Variants in OR2AG2 observed in about 807,000 individuals in gnomAD.
The protein encoded by OR2AG2 is olfactory receptor 2AG2.
For missense variants in OR2AG2, 390 were observed against 391.9 expected, an observed-to-expected ratio of 1.00 and a Z score of 0.04; for synonymous variants, 167 against 157.1, an observed-to-expected ratio of 1.06 and a Z score of -0.47.
chr11:6,766,722 A>C lies in OR2AG2; in HGVS notation c.*1285T>G, dbSNP rs1047945009. ...ACTGATGAGTAGAATAAAAAAAATA[A>C]GGCTTATTTAGGCTAGCTAGAAAGC... On this transcript the variant is annotated 3_prime_UTR_variant, in exon 2 of 2. Coordinates refer to ENST00000641124, the MANE Select transcript of OR2AG2 (RefSeq NM_001004490.2). 1 of 152,200 alleles carries C rather than the reference A, an allele frequency of 6.6e-6. No homozygotes were observed. The highest frequency in any genetic ancestry group is 2.4e-5 in the African/African-American group (1 of 41,464). 9.4% of individuals were successfully genotyped at this position (152,200 alleles called of 1,614,324 possible).
rs1218801935 is a variant in OR2AG2, at chr11:6,767,291, G to T, written c.*716C>A. The T allele has an allele frequency of 6.6e-6, 1 of 152,134 alleles. No individual in the cohort carries two copies. The highest frequency in any genetic ancestry group is 1.5e-5 in the Non-Finnish European group (1 of 68,078). The allele number at this position is 152,134 out of a possible 1,614,324, so 9.4% of individuals were successfully genotyped here. A position where few individuals can be genotyped will look rare whatever the true frequency, so the allele number is the denominator to read the frequency against. On this transcript the variant is annotated 3_prime_UTR_variant, in exon 2 of 2. Coordinates refer to ENST00000641124, the MANE Select transcript of OR2AG2 (RefSeq NM_001004490.2). The stretch of plus-strand genomic sequence containing the variant: ...CGGGTTCCACACGTTGGCCAGGCTG[G>T]TCTTGAACTCCTTACCTCAGGTGAT...
rs189615647 is a variant in OR2AG2, at chr11:6,768,685, A to G, written c.273T>C (p.Thr91=). ...ALADFLRREN[T]ISFGGCALQM... is the part of the protein sequence containing the mutation. ...GAAGTGCACAGCCTCCAAAGGAGAT[A>G]GTGTTTTCTCTGCGCAGAAAGTCCG... is the stretch of plus-strand genomic sequence containing the variant. Residue 91 remains threonine, a synonymous_variant, in exon 2 of 2, where the codon ACT becomes ACC. Coordinates refer to ENST00000641124, the MANE Select transcript of OR2AG2 (RefSeq NM_001004490.2). 1.1e-4 allele frequency: 183 copies of G among 1,614,130 alleles called. No individual in the cohort carries two copies. The highest frequency in any genetic ancestry group is 1.4e-4 in the Non-Finnish European group (169 of 1,180,000).
rs1847392985 is a variant in OR2AG2 at position 6,767,918 on chromosome 11, T to A, written c.*89A>T. The A allele has an allele frequency of 9.3e-7, 1 of 1,076,886 alleles. No homozygotes were observed. Among genetic ancestry groups the A allele is most frequent in the African/African-American group, 1.6e-5 (1 of 61,366 alleles). The allele number at this position is 1,076,886 out of a possible 1,614,324, so 66.7% of individuals were successfully genotyped here. A position where few individuals can be genotyped will look rare whatever the true frequency, so the allele number is the denominator to read the frequency against. On this transcript the variant is annotated 3_prime_UTR_variant, in exon 2 of 2. Coordinates refer to ENST00000641124, the MANE Select transcript of OR2AG2 (RefSeq NM_001004490.2). ...TCAGAGTACAGTATTGAAGAATGAG[T>A]GAGTAGAGAATTTTATTTGGAGCAG...
Position 6,766,208 on chromosome 11 carries a change from T to A in OR2AG2, c.*1799A>T, listed in dbSNP as rs1322206253. On this transcript the variant is annotated 3_prime_UTR_variant, in exon 2 of 2. Transcript: ENST00000641124. ...ATCAGCAGACTAAGGTACAAAGAGT[T>A]TAATTTAGCGTTCAAAGATGCATAG... 3 of 152,110 alleles carry A rather than the reference T, an allele frequency of 2.0e-5. No individual in the cohort carries two copies. Among genetic ancestry groups the A allele is most frequent in the East Asian group, 3.9e-4 (2 of 5,190 alleles). 9.4% of individuals were successfully genotyped at this position (152,110 alleles called of 1,614,324 possible).
Position 6,768,897 on chromosome 11 carries a change from T to C in OR2AG2, c.61A>G (p.Ser21Gly), listed in dbSNP as rs771920701. The change falls in exon 2 of 2, where the codon AGT (serine) becomes GGT (glycine). Residue 21 changes from serine (S) to glycine (G), a missense_variant. Physicochemically the swap from Ser to Gly is moderately conservative, Grantham distance 56. Coordinates refer to ENST00000641124, the MANE Select transcript of OR2AG2 (RefSeq NM_001004490.2). ...GFILVGILND[S>G]GSPELLYATF... ...GCATAGAGCAGTTCAGGAGACCCAC[T>C]GTCATTCAGAATCCCCACCAAGATG... is the stretch of plus-strand genomic sequence containing the variant. The C allele has an allele frequency of 5.0e-6, 8 of 1,613,658 alleles. No individual in the cohort carries two copies. The highest frequency in any genetic ancestry group is 6.8e-6 in the Non-Finnish European group (8 of 1,179,618).
At chr11:6,770,441 A>G (rs1847436584) in intron 1 of OR2AG2, among the ~76,000 whole-genome samples, 1 of 152,032 alleles carries the variant, frequency 6.6e-6, no homozygotes. Flanking sequence ...GAAAGTCAGA[A>G]CCTTAAAATA....
In OR2AG2 at chr11:6,767,501, C is replaced by G. The variant is rs927063194; in HGVS notation, c.*506G>C. 1 of 154,312 alleles carries G rather than the reference C, an allele frequency of 6.5e-6. No homozygotes were observed. Among genetic ancestry groups the G allele is most frequent in the Admixed American group, 6.4e-5 (1 of 15,536 alleles). 9.6% of individuals were successfully genotyped at this position (154,312 alleles called of 1,614,324 possible). On this transcript the variant is annotated 3_prime_UTR_variant, in exon 2 of 2. Transcript: ENST00000641124. Reference sequence around the variant, plus strand: ...CACTAACTGCTCAAATAATCATCTACTTAATAAACAGGAAGTCTAATATAT... The same window carrying G: ...CACTAACTGCTCAAATAATCATCTAGTTAATAAACAGGAAGTCTAATATAT...
rs75847798 is a variant in OR2AG2, at chr11:6,767,901, C to T, written c.*106G>A. On this transcript the variant is annotated 3_prime_UTR_variant, in exon 2 of 2. Transcript: ENST00000641124. The stretch of plus-strand genomic sequence containing the variant: ...AAAATGTATCTATCATCTCAGAGTA[C>T]AGTATTGAAGAATGAGTGAGTAGAG... 4.4e-3 allele frequency: 3,825 copies of T among 875,614 alleles called. 111 individuals are homozygous for T. The African/African-American group carries it at 0.059, about 13-fold the overall frequency. The allele number at this position is 875,614 out of a possible 1,614,324, so 54.2% of individuals were successfully genotyped here. A position where few individuals can be genotyped will look rare whatever the true frequency, so the allele number is the denominator to read the frequency against.
rs1847410738 is a variant in OR2AG2, at chr11:6,768,703, A to C, written c.255T>G (p.Phe85Leu). 6.2e-7 allele frequency: 1 copy of C among 1,614,078 alleles called. No homozygotes were observed. The highest frequency in any genetic ancestry group is 8.5e-7 in the Non-Finnish European group (1 of 1,180,036). ...SVVTPKALAD[F>L]LRRENTISFG... ...AGGAGATAGTGTTTTCTCTGCGCAG[A>C]AAGTCCGCAAGGGCCTTGGGAGTGA... Residue 85 changes from phenylalanine to leucine, a missense_variant, in exon 2 of 2, where the codon TTT becomes TTG. Transcript: ENST00000641124.
At position 6,768,255 on chromosome 11, in the gene OR2AG2, T is replaced by C. The variant is rs1365834070; in HGVS notation, c.703A>G (p.Lys235Glu). 1.2e-6 allele frequency: 2 copies of C among 1,614,094 alleles called. No individual in the cohort carries two copies. Among genetic ancestry groups the C allele is most frequent in the Non-Finnish European group, 8.5e-7 (1 of 1,179,996 alleles). Reference protein sequence around the residue: ...VLRMPSNEGRKKALVTCSSHL... With the variant: ...VLRMPSNEGREKALVTCSSHL... The stretch of plus-strand genomic sequence containing the variant: ...GAAGAGCAGGTGACAAGGGCTTTCT[T>C]CCTCCCCTCATTTGATGGCATACGA... Residue 235 changes from lysine (K) to glutamate (E), a missense_variant, in exon 2 of 2, where the codon AAG (lysine) becomes GAG (glutamate). By Grantham distance (56) the Lys-to-Glu change is moderately conservative. Transcript: ENST00000641124.
At position 6,767,410 on chromosome 11, in the gene OR2AG2, A is replaced by G. The variant is rs2119650523; in HGVS notation, c.*597T>C. ...CAATGTAATTATTTATCATTACTCA[A>G]GTAACCAATGTGAAGGTCCCTTAGG... is the stretch of plus-strand genomic sequence containing the variant. On this transcript the variant is annotated 3_prime_UTR_variant, in exon 2 of 2. Transcript: ENST00000641124. 1 of 152,416 alleles carries G rather than the reference A, an allele frequency of 6.6e-6. No homozygotes were observed. Among genetic ancestry groups the G allele is most frequent in the African/African-American group, 2.4e-5 (1 of 41,566 alleles). 9.4% of individuals were successfully genotyped at this position (152,416 alleles called of 1,614,324 possible).
intron 1 of OR2AG2, among the ~76,000 whole-genome samples, chr11:6,770,797 CT>C (rs1304819882): frequency 6.6e-6 from 1 of 152,180 alleles, no homozygotes; most frequent in African/African-American, 2.4e-5. Flanking sequence ...TTCTAGCTTC[CT>C]GCACCAGATG....
Position 6,768,086 on chromosome 11 carries a change from C to G in OR2AG2, c.872G>C (p.Ser291Thr). 1 of 1,614,082 alleles carries G rather than the reference C, an allele frequency of 6.2e-7. No homozygotes were observed. The highest frequency in any genetic ancestry group is 1.1e-5 in the South Asian group (1 of 91,074). ...VTPALNPLIY[S>T]LRNKEVMRAL... ...CCGCATGACCTCCTTATTCCTCAGG[C>G]TGTAGATGAGTGGATTCAGGGCTGG... is the stretch of plus-strand genomic sequence containing the variant. Residue 291 changes from serine (S) to threonine (T), a missense_variant, in exon 2 of 2, where the codon AGC becomes ACC. By Grantham distance (58) the Ser-to-Thr change is moderately conservative. Coordinates refer to ENST00000641124, the MANE Select transcript of OR2AG2 (RefSeq NM_001004490.2).
rs759148524 is a variant in OR2AG2, at chr11:6,768,826, C to T, written c.132G>A (p.Leu44=). 8.1e-6 allele frequency: 13 copies of T among 1,614,022 alleles called. No homozygotes were observed. Among genetic ancestry groups the T allele is most frequent in the Admixed American group, 1.7e-5 (1 of 60,006 alleles). ...CTTCTATGGTGATGGCCAGGAGCAG[C>T]AGACCATTGCTGGTCAGTGCCAACA... ...LYMLALTSNG[L]LLLAITIEAR... Residue 44 remains leucine (L), a synonymous_variant, in exon 2 of 2, where the codon CTG becomes CTA. Transcript: ENST00000641124.
At position 6,771,910 on chromosome 11, in the gene OR2AG2, T is replaced by A. The variant is rs57137365; in HGVS notation, c.-826A>T. The A allele has an allele frequency of 0.28, 42,513 of 151,966 alleles. 6,407 individuals carry two copies. Among genetic ancestry groups the A allele is most frequent in the Middle Eastern group, 0.37 (108 of 294 alleles). The allele number at this position is 151,966 out of a possible 1,614,324, so 9.4% of individuals were successfully genotyped here. The stretch of plus-strand genomic sequence containing the variant: ...CGAGAAAGTCCTTACTGCTTTGGAA[T>A]GGTTCTAGCTGAGTTCTTAAGTCCA... On this transcript the variant is annotated 5_prime_UTR_variant, in exon 1 of 2. Transcript: ENST00000641124.
chr11:6,766,231 T>C lies in OR2AG2; in HGVS notation c.*1776A>G, dbSNP rs558660100. ...GTTTAATTTAGCGTTCAAAGATGCA[T>C]AGATGACCAAAGGAAGAGAGGGATT... On this transcript the variant is annotated 3_prime_UTR_variant, in exon 2 of 2. Transcript: ENST00000641124. 9.9e-5 allele frequency: 15 copies of C among 152,212 alleles called. No homozygotes were observed. Among genetic ancestry groups the C allele is most frequent in the African/African-American group, 3.4e-4 (14 of 41,530 alleles). 9.4% of individuals were successfully genotyped at this position (152,212 alleles called of 1,614,324 possible). A position where few individuals can be genotyped will look rare whatever the true frequency, so the allele number is the denominator to read the frequency against.
chr11:6,769,076 AATATG>A lies in OR2AG2; in HGVS notation c.-124_-120del. On this transcript the variant is annotated 5_prime_UTR_variant, in exon 2 of 2. It removes the in-frame stop codon of an upstream open reading frame in the 5' UTR. Coordinates refer to ENST00000641124, the MANE Select transcript of OR2AG2 (RefSeq NM_001004490.2). ...GTGCATTGGCCAATAGGAATCCCATAATATGATATATTTTCCATTTCTTAGTATGC... is the reference window on the plus strand; with the variant it reads ...GTGCATTGGCCAATAGGAATCCCATAATATATTTTCCATTTCTTAGTATGC... 1 of 634,690 alleles carries A rather than the reference AATATG, an allele frequency of 1.6e-6. No homozygotes were observed. Among genetic ancestry groups the A allele is most frequent in the East Asian group, 2.8e-5 (1 of 36,266 alleles). 39.3% of individuals were successfully genotyped at this position (634,690 alleles called of 1,614,324 possible). A position where few individuals can be genotyped will look rare whatever the true frequency, so the allele number is the denominator to read the frequency against.
rs890817840 is a variant in OR2AG2, at chr11:6,768,303, T to A, written c.655A>T (p.Thr219Ser). 1.9e-6 allele frequency: 3 copies of A among 1,613,908 alleles called. No homozygotes were observed. The African/African-American group carries it at 4.0e-5, about 22-fold the overall frequency. Residue 219 changes from threonine (T) to serine (S), a missense_variant, in exon 2 of 2, where the codon ACA becomes TCA. Thr to Ser is a moderately conservative substitution (Grantham distance 58). Transcript: ENST00000641124. ...LPISAIVASY[T>S]LVLFTVLRMP... ...CGAAGCACAGTGAATAGGACTAGTGTGTAGGAGGCCACAATGGCAGAAATG... is the reference window on the plus strand; with the variant it reads ...CGAAGCACAGTGAATAGGACTAGTGAGTAGGAGGCCACAATGGCAGAAATG...
chr11:6,767,815 A>G lies in OR2AG2; in HGVS notation c.*192T>C. ...AAGTCAGGATGATGTGTGCCAAATG[A>G]GTTTAACTCAAGATCATTGTACACA... On this transcript the variant is annotated 3_prime_UTR_variant, in exon 2 of 2. Transcript: ENST00000641124. 1 of 559,372 alleles carries G rather than the reference A, an allele frequency of 1.8e-6. No individual in the cohort carries two copies. The highest frequency in any genetic ancestry group is 3.4e-5 in the Admixed American group (1 of 29,846). The allele number at this position is 559,372 out of a possible 1,614,324, so 34.7% of individuals were successfully genotyped here. A position where few individuals can be genotyped will look rare whatever the true frequency, so the allele number is the denominator to read the frequency against.
Sources: gnomAD v4.1 joint callset for allele counts (sites outside exome capture counted in the v4.1 genomes callset) on GRCh38, gnomAD v4.1.1 for gene constraint, MANE v1.5 for transcripts, NCBI Gene and HGNC (gene_info 2026-07-23, HGNC 2026-07-21) for gene names.